The following SP140L variants were observed in gnomAD, a reference collection of about 807,000 sequenced individuals.
SP140L encodes SP140 like nuclear body protein.
In SP140L, 64 loss-of-function variants were observed where a neutral mutation model predicts 84.3. The ratio of observed to expected loss-of-function variants is 0.76; its 90% CI spans 0.62 to 0.94. The LOEUF (loss-of-function observed/expected upper bound fraction) is 0.94, where lower values mean the gene tolerates loss of function less well. Ranked by LOEUF, SP140L falls within the 40% of genes least tolerant of loss-of-function variation. SP140L has a pLI of 0.00. For missense variants in SP140L, 628 were observed against 692.5 expected, an observed-to-expected ratio of 0.91 and a Z score of 1.05; for synonymous variants, 242 against 236.9, an observed-to-expected ratio of 1.02 and a Z score of -0.20.
intron 18 of SP140L, 58 bp from the exon 19 acceptor site, chr2:230,402,740 G>A (rs1211498214): frequency 1.6e-6 from 2 of 1,284,148 alleles, no homozygotes; most frequent in Non-Finnish European, 2.2e-6. Flanking sequence ...CAGTTGAAAG[G>A]TATCTAATGA....
intron 7 of SP140L, 192 bp downstream of exon 7, chr2:230,371,843 G>C (rs2061085255): frequency 1.7e-6 from 1 of 585,870 alleles, no homozygotes; most frequent in African/African-American, 1.9e-5. Context: ...TGGCAAACGG[G>C]ACTTTACAGA....
intron 2 of SP140L, among the ~76,000 whole-genome samples, chr2:230,353,301 T>C (rs2060421271): frequency 6.6e-6 from 1 of 152,124 alleles, no homozygotes; most frequent in African/African-American, 2.4e-5. Flanking sequence ...TTTCTATTGA[T>C]TGTAACTTTT....
rs1187875312 is a variant in SP140L, at chr2:230,336,217, T to C, written c.107+7386T>C. The stretch of plus-strand genomic sequence containing the variant: ...AAGTCTTATAGTAATAGGGGCATAA[T>C]GCAGTCAAGGGTCCACAGCCAGTCA... On this transcript the variant is annotated intron_variant, in intron 2 of 18. Transcript: ENST00000415673. Among the ~76,000 whole-genome samples, 6 of 152,338 alleles carry C rather than the reference T, an allele frequency of 3.9e-5. No individual in the cohort carries two copies. The South Asian group carries it at 8.3e-4, about 21-fold the overall frequency.
At chr2:230,380,291 C>G (rs545720843) in intron 7 of SP140L, among the ~76,000 whole-genome samples, 5 of 152,252 alleles carry the variant, frequency 3.3e-5, no homozygotes, top group African/African-American at 1.2e-4. Flanking sequence ...TTATCTCCCA[C>G]TGGGTCCCTC....
rs186750094 is a variant in SP140L at position 230,332,284 on chromosome 2, A to C, written c.107+3453A>C. On this transcript the variant is annotated intron_variant, in intron 2 of 18. Coordinates refer to ENST00000415673, the MANE Select transcript of SP140L (RefSeq NM_138402.6). ...GAGAGATTAAAATATCAAACAGTCA[A>C]CAAGACCTTAAAATACAAAAGTAGC... Among the ~76,000 whole-genome samples the C allele has an allele frequency of 1.2e-4, 19 of 152,362 alleles. 1 individual carries two copies. The East Asian group carries it at 3.3e-3, about 26-fold the overall frequency.
chr2:230,351,905 C>T (rs1175159083), intron 2 of SP140L, among the ~76,000 whole-genome samples: 1 of 152,170 alleles, frequency 6.6e-6, no homozygotes, highest in African/African-American at 2.4e-5. Context: ...CGCCAGCGTC[C>T]CAGAGTGCTG....
chr2:230,401,427 T>C lies in SP140L; in HGVS notation c.1484T>C (p.Ile495Thr), dbSNP rs1173243818. ...TCTGAGAGCTCCTTTTTTGCCAAGA[T>C]TCCATACTATTATTATGTAAGTAAC... is the stretch of plus-strand genomic sequence containing the variant. ...CCSESSFFAK[I>T]PYYYYIREAC... Residue 495 changes from isoleucine (I) to threonine (T), a missense_variant, in exon 17 of 19, where the codon ATT (isoleucine) becomes ACT (threonine). By Grantham distance (89) the Ile-to-Thr change is moderately conservative. Transcript: ENST00000415673. 6.5e-7 allele frequency: 1 copy of C among 1,541,244 alleles called. No individual in the cohort carries two copies. The highest frequency in any genetic ancestry group is 1.6e-5 in the African/African-American group (1 of 60,614).
chr2:230,356,345 A>G (rs896858544), intron 2 of SP140L, among the ~76,000 whole-genome samples: 15 of 152,194 alleles, frequency 9.9e-5, no homozygotes, highest in African/African-American at 3.6e-4. Flanking sequence ...AATCCACTCC[A>G]ATGTCCATCA....
At chr2:230,354,315 A>G (rs890188864) in intron 2 of SP140L, among the ~76,000 whole-genome samples, 2 of 152,246 alleles carry the variant, frequency 1.3e-5, no homozygotes, top group African/African-American at 4.8e-5. Flanking sequence ...AATGCATTTG[A>G]TAAAATTTAA....
At chr2:230,401,494 C>T in intron 17 of SP140L, 51 bp downstream of exon 17, 1 of 1,264,230 alleles carries the variant, frequency 7.9e-7, no homozygotes, top group Non-Finnish European at 1.1e-6. Flanking sequence ...CATTACCTGA[C>T]CCTGAAATGG....
At chr2:230,359,991 G>GGTGCT (rs1274167276) in intron 4 of SP140L, among the ~76,000 whole-genome samples, 1 of 151,896 alleles carries the variant, frequency 6.6e-6, no homozygotes, top group Non-Finnish European at 1.5e-5. Context: ...CTAAAGTTTT[G>GGTGCT]ATTCTTGACT....
intron 2 of SP140L, among the ~76,000 whole-genome samples, chr2:230,352,806 A>ATG (rs955361817): frequency 2.0e-5 from 3 of 150,306 alleles, no homozygotes; most frequent in African/African-American, 7.5e-5. Context: ...GCATATGTGT[A>ATG]TGTGTGTATA....
intron 2 of SP140L, among the ~76,000 whole-genome samples, chr2:230,336,132 G>A (rs1204861758): frequency 6.6e-6 from 1 of 152,118 alleles, no homozygotes; most frequent in Non-Finnish European, 1.5e-5. Flanking sequence ...TACTAAATAT[G>A]GTTAATCCAG....
At chr2:230,353,306 AC>A (rs2060421660) in intron 2 of SP140L, among the ~76,000 whole-genome samples, 1 of 152,048 alleles carries the variant, frequency 6.6e-6, no homozygotes, top group African/African-American at 2.4e-5. Flanking sequence ...ATTGATTGTA[AC>A]TTTTTGAGAC....
chr2:230,400,036 C>G (rs1462069328), intron 14 of SP140L, 91 bp from the exon 15 acceptor site: 1 of 1,346,920 alleles, frequency 7.4e-7, no homozygotes, highest in East Asian at 2.3e-5. Flanking sequence ...TATACAGGCT[C>G]ACACATAAGC....
At chr2:230,334,496 G>A (rs1032788926) in intron 2 of SP140L, among the ~76,000 whole-genome samples, 6 of 152,144 alleles carry the variant, frequency 3.9e-5, no homozygotes, top group Admixed American at 2.0e-4. Context: ...TACATAGATC[G>A]ATTATCTAAT....
intron 7 of SP140L, among the ~76,000 whole-genome samples, chr2:230,374,498 A>ATATT (rs1400787742): frequency 6.6e-6 from 1 of 152,210 alleles, no homozygotes; most frequent in African/African-American, 2.4e-5. Context: ...GATTTAGAAT[A>ATATT]TATTAGTTGA....
At chr2:230,337,926 C>T (rs1329328742) in intron 2 of SP140L, among the ~76,000 whole-genome samples, 2 of 151,672 alleles carry the variant, frequency 1.3e-5, no homozygotes, top group Admixed American at 6.6e-5. Flanking sequence ...AGTCAGGTAG[C>T]ATGATGCCTC....
rs377040770 is a variant in SP140L, at chr2:230,373,816, G to T, written c.637+2165G>T. On this transcript the variant is annotated intron_variant, in intron 7 of 18. Transcript: ENST00000415673. Reference sequence around the variant, plus strand: ...ATATAGTGATTCCTCTGATGAATCTGGGCAAAGTCAATTGGAAACCTTCTG... The same window carrying T: ...ATATAGTGATTCCTCTGATGAATCTTGGCAAAGTCAATTGGAAACCTTCTG... Among the ~76,000 whole-genome samples the T allele has an allele frequency of 7.9e-5, 12 of 152,236 alleles. No homozygotes were observed. The East Asian group carries it at 2.1e-3, about 27-fold the overall frequency.
Sources: gnomAD v4.1 joint callset for allele counts (sites outside exome capture counted in the v4.1 genomes callset) on GRCh38, gnomAD v4.1.1 for gene constraint, MANE v1.5 for transcripts, NCBI Gene and HGNC (gene_info 2026-07-23, HGNC 2026-07-21) for gene names.